Variants in NUBPL observed in about 807,000 individuals in gnomAD.
The protein encoded by NUBPL is iron-sulfur cluster transfer protein NUBPL.
NUBPL carries 31 observed loss-of-function variants against 45.7 expected under a neutral mutation model. That is an observed-to-expected ratio of 0.68 (90% CI 0.51 to 0.92). The LOEUF (loss-of-function observed/expected upper bound fraction) is 0.92. NUBPL is among the 40% of genes least tolerant of loss of function. NUBPL has a pLI of 0.00. For synonymous variants in NUBPL, 144 were observed against 140.9 expected (o/e 1.02, Z -0.15); for missense variants, 401 against 398.7 (o/e 1.01, Z -0.05).
Position 31,846,610 on chromosome 14 carries a change from C to G in NUBPL, c.814+19C>G, listed in dbSNP as rs765721220. On this transcript the variant is annotated intron_variant, in intron 9 of 10. Coordinates refer to ENST00000281081, the MANE Select transcript of NUBPL (RefSeq NM_025152.3). ...GTTCTAGGTAAGACTGTGGGATGTT[C>G]TTTTGTAGAAGAAGTGGCAGAAGAG... is the stretch of plus-strand genomic sequence containing the variant. The G allele has an allele frequency of 1.2e-6, 2 of 1,612,584 alleles. No homozygotes were observed. Among genetic ancestry groups the G allele is most frequent in the Non-Finnish European group, 1.7e-6 (2 of 1,179,336 alleles).
chr14:31,672,338 T>C (rs1009236154), intron 4 of NUBPL, among the ~76,000 whole-genome samples: 1 of 152,062 alleles, frequency 6.6e-6, no homozygotes, highest in Non-Finnish European at 1.5e-5. Flanking sequence ...TGTATGCACA[T>C]ATTAGATTAG....
intron 6 of NUBPL, among the ~76,000 whole-genome samples, chr14:31,724,293 G>T (rs567197115): frequency 5.3e-4 from 81 of 152,240 alleles, no homozygotes; most frequent in African/African-American, 1.8e-3. Flanking sequence ...AACTGCTAAG[G>T]CCTGGTACTG....
intron 4 of NUBPL, among the ~76,000 whole-genome samples, chr14:31,640,481 G>T (rs2035657604): frequency 6.6e-6 from 1 of 151,938 alleles, no homozygotes; most frequent in South Asian, 2.1e-4. Flanking sequence ...AGGGCATGGT[G>T]GTGAATACCT....
chr14:31,578,726 G>T (rs112568715), intron 3 of NUBPL, among the ~76,000 whole-genome samples: 1 of 152,072 alleles, frequency 6.6e-6, no homozygotes, highest in African/African-American at 2.4e-5. Context: ...TCTCTCTCTT[G>T]TCTTCCAAAA....
At chr14:31,587,658 T>A (rs1422298238) in intron 3 of NUBPL, among the ~76,000 whole-genome samples, 1 of 152,228 alleles carries the variant, frequency 6.6e-6, no homozygotes, top group Non-Finnish European at 1.5e-5. Flanking sequence ...CATTTTTGGC[T>A]ATGTCTGTAC....
intron 3 of NUBPL, among the ~76,000 whole-genome samples, chr14:31,579,143 T>G (rs1353040769): frequency 6.6e-6 from 1 of 152,166 alleles, no homozygotes; most frequent in Admixed American, 6.5e-5. Flanking sequence ...CTCAAATTTG[T>G]GCTGGAATGT....
chr14:31,767,689 T>G (rs961746303), intron 6 of NUBPL, among the ~76,000 whole-genome samples: 1 of 147,506 alleles, frequency 6.8e-6, no homozygotes, highest in Non-Finnish European at 1.5e-5. Flanking sequence ...GTGGATGTGT[T>G]TTTTTATTTT....
chr14:31,705,843 G>A (rs987254070), intron 6 of NUBPL, among the ~76,000 whole-genome samples: 9 of 152,122 alleles, frequency 5.9e-5, no homozygotes, highest in Admixed American at 5.9e-4. Context: ...CCCAGAAGGA[G>A]CACATCCCCC....
intron 6 of NUBPL, 126 bp downstream of exon 6, chr14:31,673,700 T>C: frequency 1.2e-6 from 1 of 806,644 alleles, no homozygotes; most frequent in East Asian, 2.7e-5. Flanking sequence ...TAATGCGTAA[T>C]ATGGCACCTA....
intron 6 of NUBPL, among the ~76,000 whole-genome samples, chr14:31,723,038 A>G (rs2037846870): frequency 6.6e-6 from 1 of 152,046 alleles, no homozygotes. Flanking sequence ...CCAGAATGGT[A>G]TTGCCTAGGT....
At chr14:31,580,817 C>T (rs933453512) in intron 3 of NUBPL, among the ~76,000 whole-genome samples, 4 of 152,040 alleles carry the variant, frequency 2.6e-5, no homozygotes, top group African/African-American at 9.7e-5. Flanking sequence ...GCCTCATGAA[C>T]AGAATAAACA....
intron 4 of NUBPL, among the ~76,000 whole-genome samples, chr14:31,635,422 G>A (rs1250475534): frequency 6.6e-6 from 1 of 151,900 alleles, no homozygotes; most frequent in Admixed American, 6.6e-5. Context: ...TTATTTCTGA[G>A]GGCTCTGTTC....
intron 6 of NUBPL, among the ~76,000 whole-genome samples, chr14:31,782,250 C>G (rs1207957821): frequency 6.6e-6 from 1 of 152,032 alleles, no homozygotes; most frequent in Non-Finnish European, 1.5e-5. Flanking sequence ...CAAAAATTAG[C>G]TGGGCATGGT....
intron 6 of NUBPL, among the ~76,000 whole-genome samples, chr14:31,761,453 A>T (rs948548662): frequency 6.6e-6 from 1 of 152,204 alleles, no homozygotes; most frequent in Non-Finnish European, 1.5e-5. Flanking sequence ...TATATAAAGT[A>T]AAAGAGTGAA....
intron 3 of NUBPL, among the ~76,000 whole-genome samples, chr14:31,597,316 C>T (rs551483480): frequency 3.3e-5 from 5 of 152,172 alleles, no homozygotes; most frequent in South Asian, 4.1e-4. Context: ...TTTTACATAA[C>T]GTTTATTGGA....
intron 4 of NUBPL, among the ~76,000 whole-genome samples, chr14:31,613,665 C>T (rs867725609): frequency 5.9e-5 from 9 of 152,022 alleles, no homozygotes; most frequent in African/African-American, 2.2e-4. Context: ...ACCATGTTGG[C>T]CAGGCTGGTC....
At chr14:31,737,883 A>G (rs1166173092) in intron 6 of NUBPL, among the ~76,000 whole-genome samples, 2 of 152,226 alleles carry the variant, frequency 1.3e-5, no homozygotes, top group Non-Finnish European at 2.9e-5. Flanking sequence ...AGACAATTTG[A>G]ACCAATAATT....
At chr14:31,827,426 AAAG>A (rs2040123799) in intron 8 of NUBPL, among the ~76,000 whole-genome samples, 1 of 152,044 alleles carries the variant, frequency 6.6e-6, no homozygotes, top group African/African-American at 2.4e-5. Flanking sequence ...AGGTTCTTAG[AAAG>A]AAGAACCTGT....
intron 7 of NUBPL, among the ~76,000 whole-genome samples, chr14:31,818,394 TC>T (rs1431628124): frequency 2.6e-5 from 4 of 152,280 alleles, no homozygotes; most frequent in South Asian, 2.1e-4. Flanking sequence ...AAAGTTGGAT[TC>T]TTAGCCTTCC....
Sources: gnomAD v4.1 joint callset for allele counts (sites outside exome capture counted in the v4.1 genomes callset) on GRCh38, gnomAD v4.1.1 for gene constraint, MANE v1.5 for transcripts, NCBI Gene and HGNC (gene_info 2026-07-23, HGNC 2026-07-21) for gene names.